CPVL: variants seen among roughly 807,000 people sequenced by gnomAD.
CPVL encodes the protein probable serine carboxypeptidase CPVL.
CPVL carries 51 observed loss-of-function variants against 63.7 expected under a neutral mutation model. The observed-to-expected ratio is 0.80, with a 90% CI of 0.64 to 1.01. CPVL has a LOEUF of 1.01. Among genes scored for constraint, CPVL ranks in the 50% least tolerant of loss-of-function variants. The pLI, the probability that CPVL is intolerant of heterozygous loss-of-function variation, is 0.00. For synonymous variants in CPVL, 195 were observed against 206.0 expected, an observed-to-expected ratio of 0.95 and a Z score of 0.46; for missense variants, 530 against 573.1, an observed-to-expected ratio of 0.92 and a Z score of 0.77.
At chr7:29,130,681 A>G (rs536363380) in intron 1 of CPVL, among the ~76,000 whole-genome samples, 1 of 152,322 alleles carries the variant, frequency 6.6e-6, no homozygotes, top group African/African-American at 2.4e-5. Flanking sequence ...ATCTGAAGCC[A>G]TATCTAGGTG....
At chr7:29,139,407 A>G (rs1791602382) in intron 1 of CPVL, among the ~76,000 whole-genome samples, 1 of 152,102 alleles carries the variant, frequency 6.6e-6, no homozygotes, top group Admixed American at 6.6e-5. Flanking sequence ...GCTTTGAGTC[A>G]CAGGGATGAT....
intron 1 of CPVL, chr7:29,193,417 T>G (rs1783151249): frequency 6.6e-6 from 1 of 152,244 alleles, no homozygotes; most frequent in Non-Finnish European, 1.5e-5. Context: ...TTAAATTGAC[T>G]ATGTTCTTTT....
chr7:29,101,015 TATTA>T (rs1382282548), intron 3 of CPVL, among the ~76,000 whole-genome samples: 2 of 152,190 alleles, frequency 1.3e-5, no homozygotes, highest in Non-Finnish European at 2.9e-5. Flanking sequence ...TGCAGTATAA[TATTA>T]ATTATGTCCA....
At position 29,071,835 on chromosome 7, in the gene CPVL, G is replaced by A. The variant is rs1783774017; in HGVS notation, c.802C>T (p.Gln268Ter). ...LLDEKQKKYF[Q>*]KQCHECIEHI... ...TCTATGCATTCATGGCACTGCTTCT[G>A]GAAGTACTTTTTTTGCTTCTCATCC... The change falls in exon 9 of 13, where the codon CAG becomes TAG. Residue 268 changes from glutamine to a stop codon, truncating the protein, a stop_gained. Transcript: ENST00000265394. LOFTEE classifies it high-confidence loss of function. 6.2e-7 allele frequency: 1 copy of A among 1,613,456 alleles called. No individual in the cohort carries two copies. The highest frequency in any genetic ancestry group is 8.5e-7 in the Non-Finnish European group (1 of 1,179,922).
Position 29,131,539 on chromosome 7 carries a change from TG to T in CPVL, c.-10-10469del, listed in dbSNP as rs1790700443. ...CTCTTTGTGTTTTTTTGTTTTGTTT[TG>T]TTTTTTTGAGACACGGTCTCACTCT... On this transcript the variant is annotated intron_variant, in intron 1 of 12. Transcript: ENST00000265394. Among the ~76,000 whole-genome samples, 7 of 152,336 alleles carry T rather than the reference TG, an allele frequency of 4.6e-5. No homozygotes were observed. The South Asian group carries it at 1.5e-3, about 32-fold the overall frequency.
chr7:29,101,590 G>A (rs375019845), intron 3 of CPVL, among the ~76,000 whole-genome samples: 25 of 152,122 alleles, frequency 1.6e-4, no homozygotes, highest in African/African-American at 5.8e-4. Flanking sequence ...GCGAGACTCC[G>A]TCTCAAAACA....
At chr7:29,072,715 GA>G (rs1028917801) in intron 7 of CPVL, among the ~76,000 whole-genome samples, 82 of 152,114 alleles carry the variant, frequency 5.4e-4, no homozygotes, top group Admixed American at 5.4e-3. Flanking sequence ...TAACTTGGGA[GA>G]ACACAATTCT....
chr7:29,153,112 T>C (rs1213987711), intron 5 of CPVL, among the ~76,000 whole-genome samples: 1 of 152,216 alleles, frequency 6.6e-6, no homozygotes, highest in Non-Finnish European at 1.5e-5. Context: ...TAAACTCAAA[T>C]TGATTATCTA....
upstream of CPVL, among the ~76,000 whole-genome samples, chr7:29,149,049 C>T (rs1793187515): frequency 6.6e-6 from 1 of 152,178 alleles, no homozygotes; most frequent in Non-Finnish European, 1.5e-5. Flanking sequence ...CTGTGCGACA[C>T]CAGGCGTGTT....
chr7:29,023,936 A>G (rs573401868), intron 12 of CPVL, among the ~76,000 whole-genome samples: 4 of 152,248 alleles, frequency 2.6e-5, no homozygotes, highest in Non-Finnish European at 5.9e-5. Flanking sequence ...AACATGAAAA[A>G]GCAAGGAAAT....
intron 3 of CPVL, among the ~76,000 whole-genome samples, chr7:29,111,367 T>TA (rs1414884443): frequency 1.3e-5 from 2 of 152,214 alleles, no homozygotes; most frequent in Non-Finnish European, 2.9e-5. Context: ...TGGCTCCCAG[T>TA]TGGGCTCTAC....
chr7:28,997,158 T>C (rs1562714386), intron 12 of CPVL, among the ~76,000 whole-genome samples: 1 of 152,204 alleles, frequency 6.6e-6, no homozygotes, highest in Non-Finnish European at 1.5e-5. Context: ...GGACTGACAC[T>C]GAGTGTTGGG....
intron 5 of CPVL, among the ~76,000 whole-genome samples, chr7:29,175,908 C>T (rs1217588850): frequency 5.9e-5 from 9 of 152,216 alleles, no homozygotes; most frequent in South Asian, 2.1e-4. Flanking sequence ...AAAGACCAGA[C>T]GGGCGCGGTG....
chr7:29,019,050 A>AATATAT (rs34018632), intron 12 of CPVL, among the ~76,000 whole-genome samples: 2 of 149,232 alleles, frequency 1.3e-5, no homozygotes, highest in Non-Finnish European at 3.0e-5. Flanking sequence ...GATAGGTATA[A>AATATAT]ATATATATAT....
chr7:29,137,520 G>A (rs550836432), intron 1 of CPVL, among the ~76,000 whole-genome samples: 29 of 152,296 alleles, frequency 1.9e-4, no homozygotes, highest in African/African-American at 6.3e-4. Context: ...AAGGGAAGAC[G>A]GAGCTGCCAT....
At chr7:29,190,070 C>T (rs914292879) in intron 1 of CPVL, among the ~76,000 whole-genome samples, 1 of 152,236 alleles carries the variant, frequency 6.6e-6, no homozygotes, top group Non-Finnish European at 1.5e-5. Context: ...CCTGAGGAAA[C>T]AGCGGGTTTC....
intron 12 of CPVL, among the ~76,000 whole-genome samples, chr7:29,024,010 C>T (rs1171658790): frequency 6.6e-6 from 1 of 151,952 alleles, no homozygotes; most frequent in African/African-American, 2.4e-5. Context: ...AAATCTATGA[C>T]ATATCTGGTA....
chr7:29,161,859 C>T (rs748669337), intron 5 of CPVL, among the ~76,000 whole-genome samples: 92 of 151,916 alleles, frequency 6.1e-4, no homozygotes, highest in Non-Finnish European at 1.0e-3. Context: ...TTAAATGGGC[C>T]AAAGAGTTGA....
At chr7:29,195,325 G>A (rs998839339), upstream of CPVL, 3 of 307,512 alleles carry the variant, frequency 9.8e-6, no homozygotes, top group Non-Finnish European at 1.8e-5. Context: ...CTGGCGGGGC[G>A]GAGAAGGTTG....
Sources: gnomAD v4.1 joint callset for allele counts (sites outside exome capture counted in the v4.1 genomes callset) on GRCh38, gnomAD v4.1.1 for gene constraint, MANE v1.5 for transcripts, NCBI Gene and HGNC (gene_info 2026-07-23, HGNC 2026-07-21) for gene names.